GLRB: variants seen among roughly 807,000 people sequenced by gnomAD.
The protein encoded by GLRB is glycine receptor beta.
In GLRB, 33 loss-of-function variants were observed where a neutral mutation model predicts 54.2. That is an observed-to-expected ratio of 0.61 (90% CI 0.46 to 0.81). GLRB has a LOEUF of 0.81. GLRB is among the 40% of genes least tolerant of loss of function. The pLI is 0.00. For synonymous variants in GLRB, 209 were observed against 208.2 expected, an observed-to-expected ratio of 1.00 and a Z score of -0.03; for missense variants, 572 against 584.6, an observed-to-expected ratio of 0.98 and a Z score of 0.22.
At chr4:157,158,805 G>T (rs1187845311) in intron 9 of GLRB, among the ~76,000 whole-genome samples, 1 of 152,080 alleles carries the variant, frequency 6.6e-6, no homozygotes, top group African/African-American at 2.4e-5. Flanking sequence ...GGATTGTCTT[G>T]GCAATGCGGG....
At chr4:157,107,564 C>T (rs1436537154) in intron 2 of GLRB, among the ~76,000 whole-genome samples, 1 of 151,946 alleles carries the variant, frequency 6.6e-6, no homozygotes. Flanking sequence ...TAAGCAAGGC[C>T]CTAACTCTTC....
intron 2 of GLRB, among the ~76,000 whole-genome samples, chr4:157,106,895 A>G (rs1265139245): frequency 6.6e-6 from 1 of 152,028 alleles, no homozygotes; most frequent in African/African-American, 2.4e-5. Flanking sequence ...TTTAAAAAAC[A>G]CCAATTAAAG....
intron 9 of GLRB, among the ~76,000 whole-genome samples, chr4:157,158,072 T>G (rs1302672758): frequency 6.6e-6 from 1 of 152,246 alleles, no homozygotes; most frequent in Non-Finnish European, 1.5e-5. Flanking sequence ...TTGATTTGCA[T>G]TTCTCTGATG....
At chr4:157,085,153 A>G (rs561059094) in intron 2 of GLRB, among the ~76,000 whole-genome samples, 5 of 152,206 alleles carry the variant, frequency 3.3e-5, no homozygotes, top group Admixed American at 3.3e-4. Flanking sequence ...CCTAGGCATG[A>G]GCTTAAATGG....
intron 7 of GLRB, among the ~76,000 whole-genome samples, chr4:157,139,999 A>G (rs1736550497): frequency 6.6e-6 from 1 of 151,994 alleles, no homozygotes; most frequent in African/African-American, 2.4e-5. Context: ...TTACATATTT[A>G]CAATGCTGTG....
rs200245545 is a variant in GLRB, at chr4:157,125,152, AG to A, written c.297+2756del. 4.7e-4 allele frequency among the ~76,000 whole-genome samples: 71 copies of A among 152,046 alleles called. No homozygotes were observed. In the East Asian group the frequency reaches 0.013, roughly 28 times the overall value. Reference sequence around the variant, plus strand: ...CAGAAAATAATAGTGATAACACAGAAGTGTAACCCAAAAGGGTATACATGTC... The same window carrying A: ...CAGAAAATAATAGTGATAACACAGAATGTAACCCAAAAGGGTATACATGTC... On this transcript the variant is annotated intron_variant, in intron 4 of 9. Transcript: ENST00000264428.
At chr4:157,092,140 A>T (rs1435882055) in intron 2 of GLRB, among the ~76,000 whole-genome samples, 1 of 152,226 alleles carries the variant, frequency 6.6e-6, no homozygotes, top group Non-Finnish European at 1.5e-5. Flanking sequence ...TTTAAGATAA[A>T]ATCATTAACA....
intron 9 of GLRB, among the ~76,000 whole-genome samples, chr4:157,155,718 G>C (rs1387114032): frequency 2.0e-5 from 3 of 152,048 alleles, no homozygotes; most frequent in African/African-American, 4.8e-5. Context: ...AAGTTGTTTG[G>C]TCTTTTGGTC....
chr4:157,079,271 T>C (rs932392077), intron 2 of GLRB, among the ~76,000 whole-genome samples: 7 of 152,326 alleles, frequency 4.6e-5, no homozygotes, highest in Admixed American at 3.9e-4. Flanking sequence ...AAATGTAATA[T>C]TGATCATAGA....
chr4:157,152,353 T>C (rs934275114), intron 8 of GLRB, among the ~76,000 whole-genome samples: 1 of 152,166 alleles, frequency 6.6e-6, no homozygotes, highest in Admixed American at 6.6e-5. Flanking sequence ...CAAACAAAGC[T>C]GAAAAATAAC....
intron 7 of GLRB, 101 bp from the exon 8 acceptor site, chr4:157,143,706 G>T: frequency 8.7e-7 from 1 of 1,147,726 alleles, no homozygotes; most frequent in East Asian, 2.5e-5. Flanking sequence ...CTGTGAAATT[G>T]CCTCAGATGG....
At chr4:157,127,764 C>G (rs1029390161) in intron 4 of GLRB, among the ~76,000 whole-genome samples, 1 of 151,808 alleles carries the variant, frequency 6.6e-6, no homozygotes, top group African/African-American at 2.4e-5. Context: ...CCTCTAGGAG[C>G]TGAAGAAGCC....
chr4:157,098,019 C>G (rs912098466), intron 2 of GLRB, among the ~76,000 whole-genome samples: 1 of 150,956 alleles, frequency 6.6e-6, no homozygotes, highest in African/African-American at 2.4e-5. Context: ...GAGACTTTGT[C>G]TCAAAAAAAA....
intron 3 of GLRB, 69 bp downstream of exon 3, chr4:157,120,731 T>C: frequency 2.7e-6 from 2 of 754,582 alleles, no homozygotes; most frequent in South Asian, 2.9e-5. Flanking sequence ...TAGAGATTTG[T>C]GATATTTTAT....
chr4:157,160,183 C>G (rs938255381), intron 9 of GLRB, among the ~76,000 whole-genome samples: 1 of 151,778 alleles, frequency 6.6e-6, no homozygotes, highest in Non-Finnish European at 1.5e-5. Flanking sequence ...GGTGATATAC[C>G]CTTTATCACT....
At position 157,170,918 on chromosome 4, in the gene GLRB, A is replaced by C. The variant is rs2126638602; in HGVS notation, c.*190A>C. The C allele has an allele frequency of 1.9e-6, 1 of 533,236 alleles. No individual in the cohort carries two copies. The highest frequency in any genetic ancestry group is 1.9e-5 in the African/African-American group (1 of 52,802). The allele number at this position is 533,236 out of a possible 1,614,324, so 33.0% of individuals were successfully genotyped here. A position where few individuals can be genotyped will look rare whatever the true frequency, so the allele number is the denominator to read the frequency against. On this transcript the variant is annotated 3_prime_UTR_variant, in exon 10 of 10. Coordinates refer to ENST00000264428, the MANE Select transcript of GLRB (RefSeq NM_000824.5). Reference sequence around the variant, plus strand: ...ATCATGTAATATCTGTGCTCTAATAACGATGTATATATGTATAGTGAACAT... The same window carrying C: ...ATCATGTAATATCTGTGCTCTAATACCGATGTATATATGTATAGTGAACAT...
chr4:157,147,553 A>G (rs1418196309), intron 8 of GLRB, among the ~76,000 whole-genome samples: 3 of 152,232 alleles, frequency 2.0e-5, no homozygotes, highest in African/African-American at 7.2e-5. Flanking sequence ...AGCTAGGGTA[A>G]GAATAAAAGT....
Position 157,109,733 on chromosome 4 carries a change from T to C in GLRB, c.123-10823T>C, listed in dbSNP as rs531544142. Among the ~76,000 whole-genome samples the C allele has an allele frequency of 2.6e-5, 4 of 152,108 alleles. No individual in the cohort carries two copies. In the East Asian group the frequency reaches 5.8e-4, roughly 22 times the overall value. ...AATCTGGATTCCCCTGATCATGTCC[T>C]TGGGTTTGATTAATATGCTAGAGCA... On this transcript the variant is annotated intron_variant, in intron 2 of 9. Coordinates refer to ENST00000264428, the MANE Select transcript of GLRB (RefSeq NM_000824.5).
At chr4:157,144,374 G>A (rs1327196314) in intron 8 of GLRB, among the ~76,000 whole-genome samples, 2 of 152,088 alleles carry the variant, frequency 1.3e-5, no homozygotes, top group African/African-American at 4.8e-5. Flanking sequence ...TAAAAATTAC[G>A]AAAAATTATG....
Sources: allele counts gnomAD v4.1 joint callset (sites outside exome capture counted in the v4.1 genomes callset), GRCh38; gene constraint gnomAD v4.1.1; transcripts MANE v1.5; gene names NCBI Gene and HGNC (gene_info 2026-07-23, HGNC 2026-07-21).